The following ACOXL variants were observed in gnomAD, a reference collection of about 807,000 sequenced individuals.
ACOXL encodes acyl-CoA oxidase like, also known as acyl-coenzyme A oxidase-like protein.
Under a neutral mutation model 71.9 loss-of-function variants are expected in ACOXL, and 70 were observed. The ratio of observed to expected loss-of-function variants is 0.97; its 90% CI spans 0.80 to 1.19. The LOEUF (loss-of-function observed/expected upper bound fraction) is 1.19, where lower values mean the gene tolerates loss of function less well. ACOXL is among the 50% of genes most tolerant of loss of function. The pLI is 0.00. For missense variants in ACOXL, 703 were observed against 736.3 expected (o/e 0.95, Z 0.52); for synonymous variants, 253 against 281.6 (o/e 0.90, Z 1.02).
chr2:110,787,145 A>G (rs1242277864), intron 3 of ACOXL, among the ~76,000 whole-genome samples: 1 of 152,100 alleles, frequency 6.6e-6, no homozygotes, highest in Non-Finnish European at 1.5e-5. Context: ...AGATGCTTCT[A>G]TTTCATTGAA....
chr2:111,044,120 C>T (rs1435500264), intron 15 of ACOXL, among the ~76,000 whole-genome samples: 1 of 152,234 alleles, frequency 6.6e-6, no homozygotes. Context: ...TGCCCAGGCT[C>T]CTAGCAGTTA....
chr2:110,935,360 C>T (rs1282729256), intron 12 of ACOXL, among the ~76,000 whole-genome samples: 2 of 152,156 alleles, frequency 1.3e-5, no homozygotes, highest in African/African-American at 2.4e-5. Context: ...CACAGAGACC[C>T]TCCTGCACCC....
intron 12 of ACOXL, among the ~76,000 whole-genome samples, chr2:110,949,016 G>C (rs1256867447): frequency 6.6e-6 from 1 of 151,712 alleles, no homozygotes; most frequent in African/African-American, 2.4e-5. Context: ...TGTGGCAGAG[G>C]CCCTTTTGCT....
At chr2:110,979,957 AG>A (rs2062629828) in intron 12 of ACOXL, among the ~76,000 whole-genome samples, 1 of 152,154 alleles carries the variant, frequency 6.6e-6, no homozygotes, top group Non-Finnish European at 1.5e-5. Flanking sequence ...GGGGGTTATG[AG>A]GGGTGTGTCT....
chr2:111,041,574 T>C (rs1000383556), intron 15 of ACOXL, among the ~76,000 whole-genome samples: 32 of 152,232 alleles, frequency 2.1e-4, no homozygotes, highest in Non-Finnish European at 3.2e-4. Flanking sequence ...AAAGATGTGG[T>C]GACAGTGGCT....
intron 11 of ACOXL, among the ~76,000 whole-genome samples, chr2:110,924,652 C>T (rs1282074954): frequency 3.3e-5 from 5 of 152,036 alleles, no homozygotes; most frequent in African/African-American, 7.2e-5. Flanking sequence ...TTCTAATTAT[C>T]GTTCTCTTGC....
chr2:110,837,013 C>T (rs1427890189), intron 9 of ACOXL, among the ~76,000 whole-genome samples: 1 of 152,224 alleles, frequency 6.6e-6, no homozygotes, highest in Non-Finnish European at 1.5e-5. Context: ...TAAAAAACCC[C>T]ATTATCCAGC....
Position 111,117,951 on chromosome 2 carries a change from G to A in ACOXL, c.*135G>A, listed in dbSNP as rs2070473607. 1 of 1,107,468 alleles carries A rather than the reference G, an allele frequency of 9.0e-7. No individual in the cohort carries two copies. Among genetic ancestry groups the A allele is most frequent in the Non-Finnish European group, 1.3e-6 (1 of 797,806 alleles). The allele number at this position is 1,107,468 out of a possible 1,614,324, so 68.6% of individuals were successfully genotyped here. ...TCTCGGGGATTTTGGTGGCAAAGCG[G>A]AGGTCCCGCCGAGGCTGGCGAGGTG... On this transcript the variant is annotated 3_prime_UTR_variant, in exon 18 of 18. Transcript: ENST00000439055.
In ACOXL at chr2:110,793,668, C is replaced by G. The variant is rs1393199204; in HGVS notation, c.178C>G (p.Leu60Val). ...TTTCCAGTGCGGAATAATTTATTGG[C>G]TATTTGGTGGTGCTATCAGGAATCT... Reference protein sequence around the residue: ...TGVKCGIIYWLFGGAIRNLGS... With the variant: ...TGVKCGIIYWVFGGAIRNLGS... Residue 60 changes from leucine (L) to valine (V), a missense_variant, in exon 4 of 18, where the codon CTA becomes GTA. Physicochemically the swap from Leu to Val is conservative, Grantham distance 32. Coordinates refer to ENST00000439055, the MANE Select transcript of ACOXL (RefSeq NM_001142807.4). The G allele has an allele frequency of 1.2e-6, 2 of 1,613,926 alleles. No individual in the cohort carries two copies. Among genetic ancestry groups the G allele is most frequent in the East Asian group, 4.5e-5 (2 of 44,882 alleles).
At chr2:111,080,991 C>T (rs748654003) in intron 16 of ACOXL, among the ~76,000 whole-genome samples, 5 of 152,180 alleles carry the variant, frequency 3.3e-5, no homozygotes, top group African/African-American at 4.8e-5. Context: ...TAAAAACTCT[C>T]AATAAACTAG....
At chr2:110,769,496 A>T (rs1681594806) in intron 2 of ACOXL, among the ~76,000 whole-genome samples, 1 of 152,066 alleles carries the variant, frequency 6.6e-6, no homozygotes, top group African/African-American at 2.4e-5. Flanking sequence ...CAAAAAAAAA[A>T]ATACAAAACT....
At chr2:111,084,141 A>G (rs948806986) in intron 16 of ACOXL, among the ~76,000 whole-genome samples, 1 of 152,100 alleles carries the variant, frequency 6.6e-6, no homozygotes, top group African/African-American at 2.4e-5. Flanking sequence ...AGCCTGGGCA[A>G]GATGGCAAGA....
intron 5 of ACOXL, among the ~76,000 whole-genome samples, chr2:110,795,005 G>T (rs1400547780): frequency 6.8e-6 from 1 of 147,850 alleles, no homozygotes; most frequent in Non-Finnish European, 1.5e-5. Context: ...CTTTATAGTT[G>T]CTTGCTTGAT....
intron 9 of ACOXL, among the ~76,000 whole-genome samples, chr2:110,840,515 T>G (rs1008742249): frequency 6.6e-6 from 1 of 152,216 alleles, no homozygotes; most frequent in Non-Finnish European, 1.5e-5. Context: ...GTAATAAATT[T>G]GCCCATTTTA....
At chr2:111,056,200 T>TA (rs5833383) in intron 16 of ACOXL, among the ~76,000 whole-genome samples, 76,913 of 145,574 alleles carry the variant, frequency 0.53, 20,301 homozygotes, top group African/African-American at 0.63. Context: ...ACCCCAACTT[T>TA]AAAAAAAAAA....
At chr2:111,069,115 A>C (rs1406056830) in intron 16 of ACOXL, among the ~76,000 whole-genome samples, 2 of 146,580 alleles carry the variant, frequency 1.4e-5, no homozygotes, top group East Asian at 3.9e-4. Flanking sequence ...CTGTGCATGC[A>C]CGTCCTTGAT....
chr2:111,109,117 G>A (rs1289235306), intron 17 of ACOXL, among the ~76,000 whole-genome samples: 1 of 152,062 alleles, frequency 6.6e-6, no homozygotes, highest in Non-Finnish European at 1.5e-5. Flanking sequence ...TAGGTATTAA[G>A]GTGCAGTGTT....
intron 12 of ACOXL, among the ~76,000 whole-genome samples, chr2:110,950,371 A>T (rs185443151): frequency 6.6e-6 from 1 of 152,312 alleles, no homozygotes; most frequent in African/African-American, 2.4e-5. Context: ...GAAAAGAGAG[A>T]TTGCTAAAAT....
chr2:110,801,614 C>A (rs200520836), intron 7 of ACOXL, 38 bp from the exon 8 acceptor site: 2 of 1,568,464 alleles, frequency 1.3e-6, no homozygotes, highest in Non-Finnish European at 1.8e-6. Context: ...GAAAATACTT[C>A]TGATGCTGCA....
Sources: allele counts gnomAD v4.1 joint callset (sites outside exome capture counted in the v4.1 genomes callset), GRCh38; gene constraint gnomAD v4.1.1; transcripts MANE v1.5; gene names NCBI Gene and HGNC (gene_info 2026-07-23, HGNC 2026-07-21).